Variants in MALL observed in about 807,000 individuals in gnomAD.
The protein encoded by MALL is MAL-like protein.
Under a neutral mutation model 10.3 loss-of-function variants are expected in MALL, and 2 were observed. The ratio of observed to expected loss-of-function variants is 0.19; its 90% CI spans 0.08 to 0.61. MALL has a LOEUF of 0.61. Ranked by LOEUF, MALL falls within the 20% of genes least tolerant of loss-of-function variation. The probability of loss-of-function intolerance (pLI) is 0.88; values close to 1 mark genes in which losing one functional copy is unlikely to be tolerated. For missense variants in MALL, 39 were observed against 115.2 expected, an observed-to-expected ratio of 0.34 and a Z score of 3.03; for synonymous variants, 27 against 51.8, an observed-to-expected ratio of 0.52 and a Z score of 2.05.
At chr2:110,092,574 A>G (rs1331171032) in intron 1 of MALL, among the ~76,000 whole-genome samples, 2 of 48,296 alleles carry the variant, frequency 4.1e-5, no homozygotes, top group Non-Finnish European at 1.0e-4. Flanking sequence ...GAATATGTCA[A>G]TCTTTTCCTC....
chr2:110,092,878 T>C (rs1678401367), intron 1 of MALL, among the ~76,000 whole-genome samples: 1 of 51,798 alleles, frequency 1.9e-5, no homozygotes, highest in Non-Finnish European at 5.3e-5. Context: ...GTTTGATTTA[T>C]TAGAAAACGT....
intron 1 of MALL, among the ~76,000 whole-genome samples, chr2:110,109,162 CA>C: frequency 6.6e-6 from 1 of 152,190 alleles, no homozygotes; most frequent in South Asian, 2.1e-4. Flanking sequence ...CCAAAGTAGA[CA>C]GGCAACAAAG....
At chr2:110,107,196 C>G (rs1205961747) in intron 1 of MALL, among the ~76,000 whole-genome samples, 1 of 152,052 alleles carries the variant, frequency 6.6e-6, no homozygotes, top group Non-Finnish European at 1.5e-5. Flanking sequence ...AAAAGTGGAG[C>G]CCCCAAGTAC....
upstream of MALL, among the ~76,000 whole-genome samples, chr2:110,117,799 AGG>A (rs1195784144): frequency 1.3e-5 from 2 of 152,078 alleles, no homozygotes; most frequent in African/African-American, 4.8e-5. Context: ...GAGATTGCAC[AGG>A]GGCTAAGGAA....
intron 1 of MALL, among the ~76,000 whole-genome samples, chr2:110,099,984 G>A (rs1203190290): frequency 2.6e-5 from 4 of 151,948 alleles, no homozygotes; most frequent in Non-Finnish European, 5.9e-5. Flanking sequence ...AAGTCTGTGC[G>A]GGTCGCCCAT....
chr2:110,095,309 G>A (rs1175303936), intron 1 of MALL, among the ~76,000 whole-genome samples: 2 of 152,120 alleles, frequency 1.3e-5, no homozygotes, highest in Non-Finnish European at 2.9e-5. Context: ...TTCAACGGTT[G>A]GGGCTGGCCC....
chr2:110,096,232 G>A (rs1257928554), intron 1 of MALL, among the ~76,000 whole-genome samples: 3 of 152,100 alleles, frequency 2.0e-5, no homozygotes, highest in Non-Finnish European at 4.4e-5. Flanking sequence ...TGTTCCCCAG[G>A]TGGGGTGGCC....
At chr2:110,093,115 C>T (rs1194737506) in intron 1 of MALL, among the ~76,000 whole-genome samples, 4 of 10,414 alleles carry the variant, frequency 3.8e-4, no homozygotes, top group Non-Finnish European at 2.9e-3. Context: ...ACAGTGATAC[C>T]ATGTGTCGAG....
chr2:110,113,891 G>T (rs1678856384), intron 1 of MALL, among the ~76,000 whole-genome samples: 1 of 152,154 alleles, frequency 6.6e-6, no homozygotes, highest in Non-Finnish European at 1.5e-5. Context: ...TATTATTGCA[G>T]CTTTACTGTA....
chr2:110,112,453 T>C (rs1678825524), intron 1 of MALL, among the ~76,000 whole-genome samples: 1 of 151,874 alleles, frequency 6.6e-6, no homozygotes, highest in Non-Finnish European at 1.5e-5. Context: ...CAAAAGAAGA[T>C]ATACAAATGG....
intron 1 of MALL, among the ~76,000 whole-genome samples, chr2:110,103,815 C>A (rs1359352192): frequency 6.6e-6 from 1 of 152,166 alleles, no homozygotes; most frequent in Non-Finnish European, 1.5e-5. Context: ...CATGGTCCTG[C>A]TGGACGGCCA....
At chr2:110,100,489 A>AAG (rs1678540956) in intron 1 of MALL, among the ~76,000 whole-genome samples, 1 of 151,684 alleles carries the variant, frequency 6.6e-6, no homozygotes, top group Admixed American at 6.6e-5. Flanking sequence ...TAAAAAAAAA[A>AAG]AACTTAAGCA....
chr2:110,099,095 A>C (rs904664023), intron 1 of MALL, among the ~76,000 whole-genome samples: 3 of 152,126 alleles, frequency 2.0e-5, no homozygotes, highest in Non-Finnish European at 4.4e-5. Flanking sequence ...CAGCTCTGTC[A>C]AACAGTTGTG....
chr2:110,109,920 C>A (rs538702773), intron 1 of MALL, among the ~76,000 whole-genome samples: 1 of 152,110 alleles, frequency 6.6e-6, no homozygotes, highest in Admixed American at 6.5e-5. Context: ...CAAAAGGAAT[C>A]TTCAAAACCA....
At chr2:110,096,703 A>G (rs1678447280) in intron 1 of MALL, among the ~76,000 whole-genome samples, 1 of 148,310 alleles carries the variant, frequency 6.7e-6, no homozygotes, top group Non-Finnish European at 1.5e-5. Context: ...ACCAAGAAAA[A>G]TGTACCTACA....
At chr2:110,113,778 G>A (rs1678854658) in intron 1 of MALL, among the ~76,000 whole-genome samples, 1 of 152,090 alleles carries the variant, frequency 6.6e-6, no homozygotes, top group Admixed American at 6.5e-5. Context: ...TAGAGTACTT[G>A]ATAGCACAGT....
chr2:110,112,056 A>G (rs1574037790), intron 1 of MALL, among the ~76,000 whole-genome samples: 2 of 152,294 alleles, frequency 1.3e-5, no homozygotes, highest in East Asian at 1.9e-4. Flanking sequence ...CTGGATCCTC[A>G]TCTCTCACCT....
chr2:110,117,642 A>T (rs1466833039), upstream of MALL, among the ~76,000 whole-genome samples: 5 of 151,328 alleles, frequency 3.3e-5, no homozygotes, highest in Admixed American at 1.3e-4. Flanking sequence ...AGAGAGAGAG[A>T]GAGAGAGAGA....
chr2:110,107,694 C>T (rs1678724645), intron 1 of MALL, among the ~76,000 whole-genome samples: 1 of 152,174 alleles, frequency 6.6e-6, no homozygotes, highest in South Asian at 2.1e-4. Flanking sequence ...ACAGCTGCTG[C>T]TTTTTGGAAA....
Sources: gnomAD v4.1 joint callset for allele counts (sites outside exome capture counted in the v4.1 genomes callset) on GRCh38, gnomAD v4.1.1 for gene constraint, MANE v1.5 for transcripts, NCBI Gene and HGNC (gene_info 2026-07-23, HGNC 2026-07-21) for gene names.